RNF25: variants seen among roughly 807,000 people sequenced by gnomAD.
The protein encoded by RNF25 is E3 ubiquitin-protein ligase RNF25.
A neutral mutation model predicts 65.0 loss-of-function variants in RNF25; 32 were observed. The ratio of observed to expected loss-of-function variants is 0.49; its 90% CI spans 0.37 to 0.66. The LOEUF (loss-of-function observed/expected upper bound fraction) is 0.66, where lower values mean the gene tolerates loss of function less well. RNF25 is among the 30% of genes least tolerant of loss of function. The probability of loss-of-function intolerance (pLI) is 0.00; values close to 1 mark genes in which losing one functional copy is unlikely to be tolerated. For synonymous variants in RNF25, 207 were observed against 221.2 expected (o/e 0.94, Z 0.57); for missense variants, 493 against 584.8 (o/e 0.84, Z 1.62).
intron 1 of RNF25, among the ~76,000 whole-genome samples, chr2:218,671,241 T>A (rs1939959270): frequency 6.7e-6 from 1 of 149,952 alleles, no homozygotes; most frequent in African/African-American, 2.5e-5. Context: ...TCCTCTCAAC[T>A]ATTCTGAGGT....
chr2:218,664,010 G>A lies in RNF25; in HGVS notation c.1327C>T (p.Arg443Trp), dbSNP rs747257692. ...PRLPRGQGAY[R>W]PGTRRESLGL... The stretch of plus-strand genomic sequence containing the variant: ...AGGGACTCCCTCCGAGTACCAGGCC[G>A]GTATGCTCCCTGGCCCCGAGGCAGG... Residue 443 changes from arginine (R) to tryptophan (W), a missense_variant, in exon 10 of 10, where the codon CGG (arginine) becomes TGG (tryptophan). Around this residue, in one of 3 missense-constraint regions of RNF25, gnomAD observed 351 missense variants for 400.2 expected, o/e 0.88. Transcript: ENST00000295704. This position sits in a 1 kb window ranked among gnomAD's most constrained non-coding sequence, Gnocchi z 5.1. 11 of 1,484,406 alleles carry A rather than the reference G, an allele frequency of 7.4e-6. No individual in the cohort carries two copies. Among genetic ancestry groups the A allele is most frequent in the South Asian group, 3.1e-5 (2 of 65,382 alleles). The allele number at this position is 1,484,406 out of a possible 1,614,324, so 92.0% of individuals were successfully genotyped here. A position where few individuals can be genotyped will look rare whatever the true frequency, so the allele number is the denominator to read the frequency against.
rs1476871977 is a variant in RNF25, at chr2:218,670,093, G to A, written c.42-1414C>T. On this transcript the variant is annotated intron_variant, in intron 1 of 9. Transcript: ENST00000295704. ...TGGACACGGTGGTCCCAGCTACTTG[G>A]GAGACTGAGGCAGAAGAATCACGGG... Among the ~76,000 whole-genome samples, 4 of 151,660 alleles carry A rather than the reference G, an allele frequency of 2.6e-5. No individual in the cohort carries two copies. The East Asian group carries it at 7.7e-4, about 29-fold the overall frequency.
Position 218,664,253 on chromosome 2 carries a change from C to A in RNF25, c.1084G>T (p.Ala362Ser), listed in dbSNP as rs752119086. Residue 362 changes from alanine to serine, a missense_variant, in exon 10 of 10, where the codon GCC becomes TCC. By Grantham distance (99) the Ala-to-Ser change is moderately conservative. Coordinates refer to ENST00000295704, the MANE Select transcript of RNF25 (RefSeq NM_022453.3). This position sits in a 1 kb window ranked among gnomAD's most constrained non-coding sequence, Gnocchi z 5.1. ...TGGGTGTCACGGGTACCTTTAGGGG[C>A]GTGGCACTCCCCTCCCTTTGGGTGC... The part of the protein sequence containing the change: ...RRHPKGGECH[A>S]PKGTRDTQEL... 1.2e-6 allele frequency: 2 copies of A among 1,603,692 alleles called. No individual in the cohort carries two copies. Among genetic ancestry groups the A allele is most frequent in the Admixed American group, 1.7e-5 (1 of 59,172 alleles).
chr2:218,669,539 C>G (rs1325347451), intron 1 of RNF25, among the ~76,000 whole-genome samples: 1 of 152,158 alleles, frequency 6.6e-6, no homozygotes, highest in East Asian at 1.9e-4. Flanking sequence ...TCTGGTTGAT[C>G]TAGATCAGCC....
rs1939887240 is a variant in RNF25, at chr2:218,668,611, T to C, written c.110A>G (p.Asn37Ser). 2 of 1,608,656 alleles carry C rather than the reference T, an allele frequency of 1.2e-6. No individual in the cohort carries two copies. The highest frequency in any genetic ancestry group is 1.7e-6 in the Non-Finnish European group (2 of 1,175,270). ...CCACTGGTTGAATACATACCTGCCATTTCCTTTAATCACCTGTAGTTCATC... is the reference window on the plus strand; with the variant it reads ...CCACTGGTTGAATACATACCTGCCACTTCCTTTAATCACCTGTAGTTCATC... ...YLDELQVIKGNGRTSPWEIYI... is the reference protein window; with the variant it reads ...YLDELQVIKGSGRTSPWEIYI... The change falls in exon 2 of 10, where the codon AAT becomes AGT. Residue 37 changes from asparagine to serine, a missense_variant. This residue lies in a region of RNF25 where 108 missense variants were observed against 166.0 expected (regional missense o/e 0.65). Transcript: ENST00000295704.
Position 218,663,986 on chromosome 2 carries a change from G to A in RNF25, c.1351C>T (p.Leu451=). Residue 451 remains leucine, a synonymous_variant, in exon 10 of 10, where the codon CTG becomes TTG. Coordinates refer to ENST00000295704, the MANE Select transcript of RNF25 (RefSeq NM_022453.3). ...AYRPGTRRES[L]GLESKDGS Reference sequence around the variant, plus strand: ...GAACCATCCTTAGATTCCAGGCCCAGGGACTCCCTCCGAGTACCAGGCCGG... The same window carrying A: ...GAACCATCCTTAGATTCCAGGCCCAAGGACTCCCTCCGAGTACCAGGCCGG... 1.4e-6 allele frequency: 2 copies of A among 1,460,428 alleles called. No homozygotes were observed. The highest frequency in any genetic ancestry group is 1.8e-6 in the Non-Finnish European group (2 of 1,104,720). The allele number at this position is 1,460,428 out of a possible 1,614,324, so 90.5% of individuals were successfully genotyped here.
rs758396346 is a variant in RNF25, at chr2:218,666,243, G to C, written c.358-13C>G. On this transcript the variant is annotated splice_polypyrimidine_tract_variant and intron_variant, in intron 5 of 9. Coordinates refer to ENST00000295704, the MANE Select transcript of RNF25 (RefSeq NM_022453.3). ...TTTCCTTCCCTTTCTGAGGAGAGAA[G>C]ACACTGATTAAACGGGGGTAGGGGG... The C allele has an allele frequency of 1.2e-6, 2 of 1,608,186 alleles. No individual in the cohort carries two copies. The highest frequency in any genetic ancestry group is 1.7e-6 in the Non-Finnish European group (2 of 1,175,066).
intron 1 of RNF25, among the ~76,000 whole-genome samples, chr2:218,671,085 A>G (rs967712209): frequency 6.6e-6 from 1 of 152,190 alleles, no homozygotes; most frequent in Admixed American, 6.5e-5. Flanking sequence ...AGGCAGAAGG[A>G]TCACCTGAGC....
chr2:218,664,456 AGTTCTGCTGCAAG>A lies in RNF25; in HGVS notation c.868_880del (p.Leu290TyrfsTer44), dbSNP rs1252521666. The A allele has an allele frequency of 6.2e-7, 1 of 1,614,154 alleles. No homozygotes were observed. Among genetic ancestry groups the A allele is most frequent in the Non-Finnish European group, 8.5e-7 (1 of 1,180,026 alleles). ...GGATTGGACGGCTGGTGAGGTGGAT[AGTTCTGCTGCAAG>A]GGTGCTGGGTGGTTGGGATCCTTTG... On this transcript the variant is annotated frameshift_variant, in exon 10 of 10. Coordinates refer to ENST00000295704, the MANE Select transcript of RNF25 (RefSeq NM_022453.3). LOFTEE classifies it high-confidence loss of function. The surrounding 1 kb of genome is among the most constrained non-coding windows in gnomAD (Gnocchi z 5.1).
Position 218,664,651 on chromosome 2 carries a change from G to T in RNF25, c.801+88C>A. On this transcript the variant is annotated intron_variant, in intron 9 of 9. Transcript: ENST00000295704. This position sits in a 1 kb window ranked among gnomAD's most constrained non-coding sequence, Gnocchi z 5.1. ...GATCAGCCTATCATCTTCCTGGTTA[G>T]AACAAAGCTCACTCTGGGGCCATGG... 1.3e-6 allele frequency: 2 copies of T among 1,593,008 alleles called. No homozygotes were observed. Among genetic ancestry groups the T allele is most frequent in the South Asian group, 2.3e-5 (2 of 87,632 alleles).
At chr2:218,666,297 C>G (rs1433837767) in intron 5 of RNF25, 67 bp from the exon 6 acceptor site, 2 of 1,306,068 alleles carry the variant, frequency 1.5e-6, no homozygotes, top group African/African-American at 1.5e-5. Context: ...CTGTCTACTA[C>G]TCCTAGGAGT....
rs2106336180 is a variant in RNF25 at position 218,666,145 on chromosome 2, A to G, written c.429+14T>C. 3.7e-6 allele frequency: 6 copies of G among 1,613,674 alleles called. No homozygotes were observed. The South Asian group carries it at 5.5e-5, about 15-fold the overall frequency. On this transcript the variant is annotated intron_variant, in intron 6 of 9. Coordinates refer to ENST00000295704, the MANE Select transcript of RNF25 (RefSeq NM_022453.3). ...GTCCCAAACAGAATGCCAGGTCCCAAGAGAGAAACCCACCTGGAAACCATA... is the reference window on the plus strand; with the variant it reads ...GTCCCAAACAGAATGCCAGGTCCCAGGAGAGAAACCCACCTGGAAACCATA...
At position 218,664,257 on chromosome 2, in the gene RNF25, G is replaced by A. The variant is rs1308998505; in HGVS notation, c.1080C>T (p.Cys360=). 3 of 1,604,652 alleles carry A rather than the reference G, an allele frequency of 1.9e-6. No individual in the cohort carries two copies. The highest frequency in any genetic ancestry group is 1.3e-5 in the African/African-American group (1 of 74,608). ...PERRHPKGGE[C]HAPKGTRDTQ... Reference sequence around the variant, plus strand: ...TGTCACGGGTACCTTTAGGGGCGTGGCACTCCCCTCCCTTTGGGTGCCTCC... The same window carrying A: ...TGTCACGGGTACCTTTAGGGGCGTGACACTCCCCTCCCTTTGGGTGCCTCC... The change falls in exon 10 of 10, where the codon TGC becomes TGT. Residue 360 remains cysteine (C), a synonymous_variant. Transcript: ENST00000295704. The surrounding 1 kb of genome is among the most constrained non-coding windows in gnomAD (Gnocchi z 5.1).
At position 218,663,923 on chromosome 2, in the gene RNF25, A is replaced by G; in HGVS notation, c.*34T>C. ...CAAATATCTTTATTGCCTCCCTCCC[A>G]TCCCCAATTCCCTGTTCCCCCCACC... On this transcript the variant is annotated 3_prime_UTR_variant, in exon 10 of 10. Coordinates refer to ENST00000295704, the MANE Select transcript of RNF25 (RefSeq NM_022453.3). 7.1e-7 allele frequency: 1 copy of G among 1,403,918 alleles called. No homozygotes were observed. The highest frequency in any genetic ancestry group is 9.3e-7 in the Non-Finnish European group (1 of 1,069,526). 87.0% of individuals were successfully genotyped at this position (1,403,918 alleles called of 1,614,324 possible). A position where few individuals can be genotyped will look rare whatever the true frequency, so the allele number is the denominator to read the frequency against.
chr2:218,669,816 C>T (rs1387855073), intron 1 of RNF25, among the ~76,000 whole-genome samples: 2 of 152,230 alleles, frequency 1.3e-5, no homozygotes, highest in Non-Finnish European at 2.9e-5. Context: ...TCACACCTCA[C>T]AGATAACAGT....
rs568345931 is a variant in RNF25, at chr2:218,664,563, G to C, written c.802-28C>G. On this transcript the variant is annotated intron_variant, in intron 9 of 9. Coordinates refer to ENST00000295704, the MANE Select transcript of RNF25 (RefSeq NM_022453.3). This position sits in a 1 kb window ranked among gnomAD's most constrained non-coding sequence, Gnocchi z 5.1. ...AGAAATAAGTGACAAGATGCAGTGA[G>C]GGAGATGCAGTTCCTCAAGGTGGGG... 2.6e-5 allele frequency: 41 copies of C among 1,601,940 alleles called. No individual in the cohort carries two copies. In the East Asian group the frequency reaches 5.4e-4, roughly 21 times the overall value.
In RNF25 at chr2:218,671,914, A is replaced by G; in HGVS notation, c.41+16T>C. The G allele has an allele frequency of 6.2e-7, 1 of 1,614,142 alleles. No homozygotes were observed. Among genetic ancestry groups the G allele is most frequent in the South Asian group, 1.1e-5 (1 of 91,084 alleles). ...AGATCCAGGCTGTCAGCCAAAGCCC[A>G]TGCCCCCAAAGTTACCAGTCCTCCT... On this transcript the variant is annotated intron_variant, in intron 1 of 9. Coordinates refer to ENST00000295704, the MANE Select transcript of RNF25 (RefSeq NM_022453.3).
At chr2:218,670,726 G>A (rs1021999483) in intron 1 of RNF25, among the ~76,000 whole-genome samples, 4 of 151,786 alleles carry the variant, frequency 2.6e-5, no homozygotes, top group South Asian at 2.1e-4. Context: ...AAAAAATTGG[G>A]GGAGTGGGGA....
chr2:218,671,487 G>A (rs1429775623), intron 1 of RNF25, among the ~76,000 whole-genome samples: 2 of 152,196 alleles, frequency 1.3e-5, no homozygotes, highest in Admixed American at 1.3e-4. Flanking sequence ...CACTAGTGCT[G>A]TGTGAGAGAG....
Sources: gnomAD v4.1 joint callset for allele counts (sites outside exome capture counted in the v4.1 genomes callset) on GRCh38, gnomAD v4.1.1 for gene constraint, gnomAD v4.1.1 regional missense constraint, Gnocchi (gnomAD v3.1) non-coding constraint, MANE v1.5 for transcripts, NCBI Gene and HGNC (gene_info 2026-07-23, HGNC 2026-07-21) for gene names.